CSPG5: variants seen among roughly 807,000 people sequenced by gnomAD.
CSPG5 encodes acidic leucine-rich EGF-like domain-containing brain protein.
Under a neutral mutation model 39.8 loss-of-function variants are expected in CSPG5, and 25 were observed. The observed-to-expected ratio is 0.63, with a 90% confidence interval of 0.46 to 0.88. CSPG5 has a LOEUF of 0.88. Among genes scored for constraint, CSPG5 ranks in the 40% least tolerant of loss-of-function variants. CSPG5 has a pLI of 0.00. For synonymous variants in CSPG5, 295 were observed against 303.9 expected, an observed-to-expected ratio of 0.97 and a Z score of 0.31; for missense variants, 627 against 702.2, an observed-to-expected ratio of 0.89 and a Z score of 1.21.
chr3:47,568,020 C>A (rs1159908733), intron 4 of CSPG5, among the ~76,000 whole-genome samples: 2 of 152,268 alleles, frequency 1.3e-5, no homozygotes. Flanking sequence ...GTAGACAGAG[C>A]AGATATAGAA....
chr3:47,569,196 C>T lies in CSPG5; in HGVS notation c.1414G>A (p.Asp472Asn). The T allele has an allele frequency of 6.2e-7, 1 of 1,613,204 alleles. No homozygotes were observed. Among genetic ancestry groups the T allele is most frequent in the South Asian group, 1.1e-5 (1 of 91,036 alleles). ...KFRTPSELHN[D>N]NFSLSTIAEG... Reference sequence around the variant, plus strand: ...GCAATGGTGGAGAGGGAGAAGTTATCATTGTGGAGCTCAGATGGGGTCCGG... The same window carrying T: ...GCAATGGTGGAGAGGGAGAAGTTATTATTGTGGAGCTCAGATGGGGTCCGG... The change falls in exon 4 of 5, where the codon GAT becomes AAT. Residue 472 changes from aspartate to asparagine, a missense_variant. Coordinates refer to ENST00000264723, the MANE Select transcript of CSPG5 (RefSeq NM_006574.4).
chr3:47,564,886 A>T (rs1344321678), intron 4 of CSPG5, among the ~76,000 whole-genome samples: 3 of 152,036 alleles, frequency 2.0e-5, no homozygotes, highest in Non-Finnish European at 4.4e-5. Context: ...TTTGGGGGAA[A>T]CCATGGTCAT....
At chr3:47,565,020 A>C (rs139316853) in intron 4 of CSPG5, among the ~76,000 whole-genome samples, 2 of 152,080 alleles carry the variant, frequency 1.3e-5, no homozygotes, top group East Asian at 3.8e-4. Flanking sequence ...ACTTGCTTTT[A>C]TGTCTTTCAA....
At chr3:47,579,894 A>G (rs2031926293), upstream of CSPG5, 1 of 152,242 alleles carries the variant, frequency 6.6e-6, no homozygotes, top group Non-Finnish European at 1.5e-5. The surrounding 1 kb of genome is among the most constrained non-coding windows in gnomAD (Gnocchi z 4.2). Flanking sequence ...ACTCACCCAA[A>G]TGACAGTTCA....
At chr3:47,580,114 C>T (rs1316506215), upstream of CSPG5, 1 of 152,244 alleles carries the variant, frequency 6.6e-6, no homozygotes, top group Non-Finnish European at 1.5e-5. Context: ...CTCCACCTCT[C>T]CTGCCTGGTA....
intron 4 of CSPG5, among the ~76,000 whole-genome samples, chr3:47,565,031 G>A (rs1374355202): frequency 1.3e-5 from 2 of 152,050 alleles, no homozygotes; most frequent in African/African-American, 4.8e-5. Context: ...TGTCTTTCAA[G>A]ATAACCTCCC....
intron 4 of CSPG5, among the ~76,000 whole-genome samples, chr3:47,565,701 A>G (rs1217189449): frequency 1.3e-5 from 2 of 151,492 alleles, no homozygotes; most frequent in Non-Finnish European, 2.9e-5. Context: ...AAAAAAGCAC[A>G]GGAACATCAA....
In CSPG5 at chr3:47,572,993, A is replaced by G; in HGVS notation, c.1194-119T>C. On this transcript the variant is annotated intron_variant, in intron 2 of 4. Transcript: ENST00000264723. This position sits in a 1 kb window ranked among gnomAD's most constrained non-coding sequence, Gnocchi z 4.5. ...GCCTGTTCCGAAGGCCATCTAGAGG[A>G]ACTGCAATGCTCCGAATCTGCACAG... The G allele has an allele frequency of 2.6e-6, 2 of 771,946 alleles. No homozygotes were observed. Among genetic ancestry groups the G allele is most frequent in the Non-Finnish European group, 4.1e-6 (2 of 487,630 alleles). The allele number at this position is 771,946 out of a possible 1,614,324, so 47.8% of individuals were successfully genotyped here.
At chr3:47,565,052 C>G (rs2031242060) in intron 4 of CSPG5, among the ~76,000 whole-genome samples, 1 of 152,150 alleles carries the variant, frequency 6.6e-6, no homozygotes, top group African/African-American at 2.4e-5. Context: ...ACCCTCAACT[C>G]CTTCATCACA....
chr3:47,574,870 C>T (rs906831966), intron 2 of CSPG5, among the ~76,000 whole-genome samples: 3 of 151,930 alleles, frequency 2.0e-5, no homozygotes, highest in African/African-American at 4.8e-5. Flanking sequence ...ACCTGGGAGG[C>T]GGAGCTTATA....
chr3:47,567,674 C>G (rs191250501), intron 4 of CSPG5, among the ~76,000 whole-genome samples: 120 of 152,336 alleles, frequency 7.9e-4, no homozygotes, highest in African/African-American at 2.8e-3. Flanking sequence ...CACATTTACT[C>G]TTATTCTCTC....
Position 47,577,850 on chromosome 3 carries a change from G to A in CSPG5, c.176C>T (p.Thr59Met). ...CGCTGGTGGGCCGGCTTCTTCCCGC[G>A]TGTCGTTGGCAGGCGGCTCCCACGC... ...SPAWEPPAND[T>M]REEAGPPAAG... Residue 59 changes from threonine (T) to methionine (M), a missense_variant, in exon 2 of 5, where the codon ACG becomes ATG. Thr to Met is a moderately conservative substitution (Grantham distance 81). Coordinates refer to ENST00000264723, the MANE Select transcript of CSPG5 (RefSeq NM_006574.4). The surrounding 1 kb of genome is among the most constrained non-coding windows in gnomAD (Gnocchi z 4.7). 1 of 1,546,416 alleles carries A rather than the reference G, an allele frequency of 6.5e-7. No homozygotes were observed. Among genetic ancestry groups the A allele is most frequent in the South Asian group, 1.2e-5 (1 of 83,784 alleles).
At position 47,577,936 on chromosome 3, in the gene CSPG5, C is replaced by T; in HGVS notation, c.98-8G>A. 3.5e-6 allele frequency: 5 copies of T among 1,416,136 alleles called. No individual in the cohort carries two copies. Among genetic ancestry groups the T allele is most frequent in the Non-Finnish European group, 4.6e-6 (5 of 1,097,680 alleles). The allele number at this position is 1,416,136 out of a possible 1,614,324, so 87.7% of individuals were successfully genotyped here. On this transcript the variant is annotated splice_polypyrimidine_tract_variant and splice_region_variant and intron_variant, in intron 1 of 4. Coordinates refer to ENST00000264723, the MANE Select transcript of CSPG5 (RefSeq NM_006574.4). This position sits in a 1 kb window ranked among gnomAD's most constrained non-coding sequence, Gnocchi z 4.7. ...CGCTGCCCGCCTCACGCGCTGCGGG[C>T]GGGAGGGCAAGGGGCGGGACGTCAG...
intron 2 of CSPG5, among the ~76,000 whole-genome samples, chr3:47,574,153 C>T (rs972617685): frequency 6.6e-6 from 1 of 152,164 alleles, no homozygotes; most frequent in Non-Finnish European, 1.5e-5. Context: ...CGTGGAGAAG[C>T]CCTTGTGAGG....
chr3:47,575,069 T>G (rs1490946766), intron 2 of CSPG5, among the ~76,000 whole-genome samples: 1 of 152,100 alleles, frequency 6.6e-6, no homozygotes, highest in Non-Finnish European at 1.5e-5. Flanking sequence ...CCTAAGGAAC[T>G]TGAATTCATC....
At chr3:47,569,803 A>G (rs2031463223) in intron 3 of CSPG5, among the ~76,000 whole-genome samples, 1 of 146,860 alleles carries the variant, frequency 6.8e-6, no homozygotes, top group South Asian at 2.1e-4. Flanking sequence ...GCTTGAGTGC[A>G]GTGGCACAAT....
At chr3:47,569,339 C>T (rs1373876660) in intron 3 of CSPG5, 112 bp from the exon 4 acceptor site, 14 of 1,104,658 alleles carry the variant, frequency 1.3e-5, no homozygotes, top group Admixed American at 2.1e-5. Context: ...CGTGGTGGCT[C>T]GCGCCTGTAA....
chr3:47,575,646 T>C (rs1576373259), intron 2 of CSPG5, among the ~76,000 whole-genome samples: 1 of 152,328 alleles, frequency 6.6e-6, no homozygotes, highest in South Asian at 2.1e-4. Context: ...ACATCTGCAA[T>C]GCGAAGACTC....
rs1309114647 is a variant in CSPG5 at position 47,569,305 on chromosome 3, A to T, written c.1383-78T>A. On this transcript the variant is annotated intron_variant, in intron 3 of 4. Coordinates refer to ENST00000264723, the MANE Select transcript of CSPG5 (RefSeq NM_006574.4). ...AACATGACAATGTCTCAGCTTCTGG[A>T]TCAAATACTGTATTTCGGCTGGGCG... is the stretch of plus-strand genomic sequence containing the variant. The T allele has an allele frequency of 2.7e-5, 40 of 1,466,060 alleles. No homozygotes were observed. The Admixed American group carries it at 7.0e-4, about 26-fold the overall frequency. 90.8% of individuals were successfully genotyped at this position (1,466,060 alleles called of 1,614,324 possible).
Sources: gnomAD v4.1 joint callset for allele counts (sites outside exome capture counted in the v4.1 genomes callset) on GRCh38, gnomAD v4.1.1 for gene constraint, Gnocchi (gnomAD v3.1) non-coding constraint, MANE v1.5 for transcripts, NCBI Gene and HGNC (gene_info 2026-07-23, HGNC 2026-07-21) for gene names.